The following CTNNA2 variants were observed in gnomAD, a reference collection of about 807,000 sequenced individuals.
CTNNA2 encodes catenin alpha-2.
In CTNNA2, 42 loss-of-function variants were observed where a neutral mutation model predicts 101.0. That is an observed-to-expected ratio of 0.42 (90% CI 0.32 to 0.54). The LOEUF is 0.54. Among genes scored for constraint, CTNNA2 ranks in the 20% least tolerant of loss-of-function variants. The pLI, the probability that CTNNA2 is intolerant of heterozygous loss-of-function variation, is 0.14. For missense variants in CTNNA2, 871 were observed against 1,223.1 expected (o/e 0.71, Z 4.29); for synonymous variants, 450 against 456.4 (o/e 0.99, Z 0.18).
At chr2:79,412,289 A>T (rs1055287711) in intron 4 of CTNNA2, among the ~76,000 whole-genome samples, 6 of 152,112 alleles carry the variant, frequency 3.9e-5, no homozygotes, top group Admixed American at 2.0e-4. Context: ...CCCACATAAT[A>T]ATAATGGGAG....
chr2:79,804,348 T>C (rs72824560), intron 3 of CTNNA2, among the ~76,000 whole-genome samples: 6,522 of 152,312 alleles, frequency 0.043, 180 homozygotes, highest in Middle Eastern at 0.12. Context: ...GCTGATTTTC[T>C]TCTCTTTTAA....
At chr2:80,089,537 T>A (rs1699650120) in intron 7 of CTNNA2, among the ~76,000 whole-genome samples, 1 of 151,964 alleles carries the variant, frequency 6.6e-6, no homozygotes. Context: ...CTTTTTTTTT[T>A]ATTTTAACGG....
At chr2:79,605,121 A>G (rs551570305) in intron 1 of CTNNA2, among the ~76,000 whole-genome samples, 1 of 152,350 alleles carries the variant, frequency 6.6e-6, no homozygotes, top group African/African-American at 2.4e-5. Context: ...TGTATTCTAG[A>G]TGTTTTAATA....
intron 7 of CTNNA2, among the ~76,000 whole-genome samples, chr2:80,337,354 C>CAA (rs199931343): frequency 2.7e-5 from 4 of 145,840 alleles, no homozygotes; most frequent in African/African-American, 1.0e-4. Context: ...GACTCTGTCT[C>CAA]AAAAAAAAAC....
chr2:80,488,151 T>G (rs1686746582), intron 9 of CTNNA2, among the ~76,000 whole-genome samples: 1 of 152,184 alleles, frequency 6.6e-6, no homozygotes, highest in Non-Finnish European at 1.5e-5. Context: ...GTGAATTAGT[T>G]TTTGGATAAT....
chr2:79,313,477 G>A (rs905113450), intron 3 of CTNNA2, among the ~76,000 whole-genome samples: 2 of 152,142 alleles, frequency 1.3e-5, no homozygotes, highest in Non-Finnish European at 2.9e-5. Flanking sequence ...AGGTAGTTGT[G>A]GAAATTAGGT....
intron 7 of CTNNA2, among the ~76,000 whole-genome samples, chr2:80,220,891 T>C (rs1364551394): frequency 6.6e-6 from 1 of 152,248 alleles, no homozygotes; most frequent in Non-Finnish European, 1.5e-5. Context: ...TGTTTTGTTT[T>C]TGTTTTCTGA....
At position 79,713,590 on chromosome 2, in the gene CTNNA2, C is replaced by G. The variant is rs75037920; in HGVS notation, c.103-30797C>G. 8.1e-3 allele frequency among the ~76,000 whole-genome samples: 1,232 copies of G among 152,322 alleles called. 14 individuals are homozygous for G. Among genetic ancestry groups the G allele is most frequent in the African/African-American group, 0.027 (1,142 of 41,578 alleles). ...CAGTACTGGTTCTGCTGCTTCCCAG[C>G]TCTACCAGGGGTTCCCACAGCCTTT... is the stretch of plus-strand genomic sequence containing the variant. On this transcript the variant is annotated intron_variant, in intron 2 of 18. Coordinates refer to ENST00000402739, the MANE Select transcript of CTNNA2 (RefSeq NM_001282597.3).
At chr2:80,512,951 C>A (rs1205529251) in intron 9 of CTNNA2, among the ~76,000 whole-genome samples, 5 of 151,994 alleles carry the variant, frequency 3.3e-5, no homozygotes, top group Non-Finnish European at 7.4e-5. Flanking sequence ...AATATCTATG[C>A]TACAACTGAT....
chr2:79,310,754 G>A (rs1323135717), intron 2 of CTNNA2, among the ~76,000 whole-genome samples: 1 of 152,228 alleles, frequency 6.6e-6, no homozygotes, highest in African/African-American at 2.4e-5. Flanking sequence ...AAGTGGAAGA[G>A]AGACTGGGGG....
At chr2:79,725,115 T>A (rs1166390541) in intron 2 of CTNNA2, among the ~76,000 whole-genome samples, 1 of 152,196 alleles carries the variant, frequency 6.6e-6, no homozygotes, top group East Asian at 1.9e-4. Context: ...GTGATTTCAA[T>A]TCCATGATGA....
At chr2:79,708,847 CTA>C (rs1307552742) in intron 2 of CTNNA2, among the ~76,000 whole-genome samples, 1 of 152,110 alleles carries the variant, frequency 6.6e-6, no homozygotes. Context: ...TTCTCCTTTT[CTA>C]TGAGAGGTGG....
intron 2 of CTNNA2, among the ~76,000 whole-genome samples, chr2:79,658,108 C>A (rs1681749810): frequency 6.6e-6 from 1 of 151,644 alleles, no homozygotes; most frequent in Admixed American, 6.6e-5. Context: ...ATTATAAGGT[C>A]AATTATTTTT....
At chr2:80,341,106 G>A (rs1278975108) in intron 7 of CTNNA2, among the ~76,000 whole-genome samples, 1 of 152,120 alleles carries the variant, frequency 6.6e-6, no homozygotes. Context: ...CCCAGAATGT[G>A]TATGTGTTTG....
At chr2:79,437,246 AT>A (rs1383354985) in intron 4 of CTNNA2, among the ~76,000 whole-genome samples, 4 of 150,776 alleles carry the variant, frequency 2.7e-5, no homozygotes, top group African/African-American at 4.9e-5. Context: ...AAAAAAAAAA[AT>A]TAGAGATATA....
chr2:79,718,470 C>T (rs1015388893), intron 2 of CTNNA2, among the ~76,000 whole-genome samples: 3 of 152,168 alleles, frequency 2.0e-5, no homozygotes, highest in African/African-American at 7.2e-5. Flanking sequence ...CTGCTCCCCA[C>T]TTTATTCCAC....
chr2:79,886,937 G>A (rs1371123872), intron 6 of CTNNA2, among the ~76,000 whole-genome samples: 4 of 151,394 alleles, frequency 2.6e-5, no homozygotes, highest in South Asian at 2.1e-4. Flanking sequence ...TCCCACCTCA[G>A]CCTCCCGAGT....
At chr2:80,493,207 G>A (rs1048638626) in intron 9 of CTNNA2, among the ~76,000 whole-genome samples, 3 of 152,194 alleles carry the variant, frequency 2.0e-5, no homozygotes, top group Admixed American at 6.5e-5. Context: ...AATCTGTGTG[G>A]CCCAGTGACC....
intron 7 of CTNNA2, among the ~76,000 whole-genome samples, chr2:79,999,032 C>T (rs1283886644): frequency 6.6e-6 from 1 of 151,920 alleles, no homozygotes; most frequent in Non-Finnish European, 1.5e-5. Context: ...TTGTTTCTAG[C>T]TTTCAGCTCT....
Sources: allele counts gnomAD v4.1 joint callset (sites outside exome capture counted in the v4.1 genomes callset), GRCh38; gene constraint gnomAD v4.1.1; transcripts MANE v1.5; gene names NCBI Gene and HGNC (gene_info 2026-07-23, HGNC 2026-07-21).